The following DISC1 variants were observed in gnomAD, a reference collection of about 807,000 sequenced individuals.
The protein encoded by DISC1 is DISC1 scaffold protein, also known as disrupted in schizophrenia 1 protein.
A neutral mutation model predicts 84.5 loss-of-function variants in DISC1; 57 were observed. That is an observed-to-expected ratio of 0.67 (90% confidence interval 0.55 to 0.84). DISC1 has a LOEUF of 0.84. DISC1 is among the 40% of genes least tolerant of loss of function. The pLI is 0.00. For synonymous variants in DISC1, 411 were observed against 415.2 expected (o/e 0.99, Z 0.12); for missense variants, 1,000 against 1,057.8 (o/e 0.95, Z 0.76).
intron 9 of DISC1, among the ~76,000 whole-genome samples, chr1:231,884,395 G>A (rs2086525145): frequency 6.6e-6 from 1 of 152,138 alleles, no homozygotes; most frequent in South Asian, 2.1e-4. Context: ...ATGGCTTCCA[G>A]CTCCATCCAT....
At chr1:232,029,870 C>G (rs1572693496) in intron 12 of DISC1, among the ~76,000 whole-genome samples, 1 of 152,200 alleles carries the variant, frequency 6.6e-6, no homozygotes, top group South Asian at 2.1e-4. Flanking sequence ...TTGTGGCCTC[C>G]TGATTTAATA....
intron 1 of DISC1, among the ~76,000 whole-genome samples, chr1:231,662,160 G>A (rs924441225): frequency 1.3e-5 from 2 of 152,272 alleles, no homozygotes; most frequent in Admixed American, 1.3e-4. Flanking sequence ...CCTGTTGCTG[G>A]CCAGAACATA....
intron 7 of DISC1, among the ~76,000 whole-genome samples, chr1:231,798,838 ATGAGAGAAAGAGT>A (rs2078973878): frequency 6.6e-6 from 1 of 152,162 alleles, no homozygotes; most frequent in African/African-American, 2.4e-5. Context: ...ATGGAAGTCC[ATGAGAGAAAGAGT>A]GGAGTATTTT....
chr1:231,921,743 T>C (rs1478451133), intron 9 of DISC1, among the ~76,000 whole-genome samples: 3 of 151,810 alleles, frequency 2.0e-5, no homozygotes, highest in Non-Finnish European at 2.9e-5. Context: ...ATTTGATGTA[T>C]GCATATGTTG....
At chr1:231,801,907 C>T (rs2079298746) in intron 8 of DISC1, among the ~76,000 whole-genome samples, 1 of 151,624 alleles carries the variant, frequency 6.6e-6, no homozygotes, top group Non-Finnish European at 1.5e-5. Context: ...CAAGCTCTGC[C>T]TCCTGGGTTC....
intron 9 of DISC1, among the ~76,000 whole-genome samples, chr1:231,882,546 T>C (rs201526345): frequency 1.3e-5 from 2 of 152,244 alleles, no homozygotes; most frequent in African/African-American, 2.4e-5. Context: ...TGGGTGTCGT[T>C]TGAATAATCA....
chr1:231,992,212 A>G (rs1665296582), intron 10 of DISC1, among the ~76,000 whole-genome samples: 1 of 152,222 alleles, frequency 6.6e-6, no homozygotes, highest in East Asian at 1.9e-4. Context: ...CAGCTGACGT[A>G]TCCCTCACCT....
intron 1 of DISC1, among the ~76,000 whole-genome samples, chr1:231,656,886 GT>G (rs2061144714): frequency 6.6e-6 from 1 of 152,100 alleles, no homozygotes; most frequent in African/African-American, 2.4e-5. Flanking sequence ...GCATTCTTTG[GT>G]TTTCTGTTCC....
At chr1:231,895,377 C>A (rs931597286) in intron 9 of DISC1, among the ~76,000 whole-genome samples, 1 of 151,482 alleles carries the variant, frequency 6.6e-6, no homozygotes, top group Non-Finnish European at 1.5e-5. Flanking sequence ...TATATCACTA[C>A]ATATTTGTAT....
rs1332604646 is a variant in DISC1 at position 232,008,933 on chromosome 1, C to T, written c.2191C>T (p.Pro731Ser). ...QMDDLEGAAP[P>S]IPPRLHSEDK... Reference sequence around the variant, plus strand: ...GGATGACTTAGAGGGAGCTGCTCCTCCTATTCCCCCCAGGCTCCACTCCGA... The same window carrying T: ...GGATGACTTAGAGGGAGCTGCTCCTTCTATTCCCCCCAGGCTCCACTCCGA... Residue 731 changes from proline to serine, a missense_variant, in exon 11 of 13, where the codon CCT (proline) becomes TCT (serine). Pro to Ser is a moderately conservative substitution (Grantham distance 74). Transcript: ENST00000439617. 6.2e-7 allele frequency: 1 copy of T among 1,613,502 alleles called. No homozygotes were observed. Among genetic ancestry groups the T allele is most frequent in the African/African-American group, 1.3e-5 (1 of 74,880 alleles).
chr1:231,786,581 G>T (rs2077879921), intron 6 of DISC1, among the ~76,000 whole-genome samples: 1 of 152,202 alleles, frequency 6.6e-6, no homozygotes, highest in Non-Finnish European at 1.5e-5. Flanking sequence ...AACTACCAAA[G>T]ATTGTATGGA....
At chr1:231,959,339 C>CT in intron 10 of DISC1, 1 of 985,642 alleles carries the variant, frequency 1.0e-6, no homozygotes, top group Non-Finnish European at 1.2e-6. Context: ...TTTCTGGTTG[C>CT]TTTTTTTAAA....
chr1:231,952,285 C>A (rs1658567608), intron 9 of DISC1, among the ~76,000 whole-genome samples: 2 of 151,980 alleles, frequency 1.3e-5, no homozygotes, highest in South Asian at 4.2e-4. Context: ...GAAAAAGAGA[C>A]AGAGAATTAA....
chr1:231,750,349 G>A, intron 4 of DISC1: 1 of 1,242,234 alleles, frequency 8.1e-7, no homozygotes, highest in Non-Finnish European at 1.0e-6. Flanking sequence ...CATCTCTTGG[G>A]AAACTACCCT....
At chr1:231,723,627 C>T in intron 3 of DISC1, 3 of 985,460 alleles carry the variant, frequency 3.0e-6, no homozygotes, top group Non-Finnish European at 2.4e-6. Context: ...TAACAGTCTG[C>T]TCTGGTGATT....
chr1:231,672,833 G>T (rs1003213143), intron 1 of DISC1, among the ~76,000 whole-genome samples: 1 of 152,310 alleles, frequency 6.6e-6, no homozygotes, highest in Middle Eastern at 3.4e-3. Flanking sequence ...AAAGATACCT[G>T]TTGTTCCTTA....
intron 9 of DISC1, among the ~76,000 whole-genome samples, chr1:231,953,387 C>T (rs931994148): frequency 6.6e-6 from 1 of 152,166 alleles, no homozygotes; most frequent in Non-Finnish European, 1.5e-5. Context: ...AATCTTATGC[C>T]ATCCTACCTG....
chr1:231,733,437 G>A (rs1480099194), intron 3 of DISC1, among the ~76,000 whole-genome samples: 2 of 145,362 alleles, frequency 1.4e-5, no homozygotes, highest in Non-Finnish European at 3.2e-5. Flanking sequence ...TAGGAATGGT[G>A]GTGATGGTGG....
intron 3 of DISC1, among the ~76,000 whole-genome samples, chr1:231,715,451 T>C (rs1163801317): frequency 6.6e-6 from 1 of 152,232 alleles, no homozygotes; most frequent in Non-Finnish European, 1.5e-5. Flanking sequence ...TGAAGGTGCC[T>C]CTTGCAACAG....
Sources: allele counts gnomAD v4.1 joint callset (sites outside exome capture counted in the v4.1 genomes callset), GRCh38; gene constraint gnomAD v4.1.1; transcripts MANE v1.5; gene names NCBI Gene and HGNC (gene_info 2026-07-23, HGNC 2026-07-21).